ANKRD22: variants seen among roughly 807,000 people sequenced by gnomAD.
ANKRD22 encodes ankyrin repeat domain-containing protein 22.
A neutral mutation model predicts 25.7 loss-of-function variants in ANKRD22; 24 were observed. The ratio of observed to expected loss-of-function variants is 0.93; its 90% confidence interval spans 0.68 to 1.31. The LOEUF is 1.31. Among genes scored for constraint, ANKRD22 ranks in the 50% most tolerant of loss-of-function variants. The pLI is 0.00. For missense variants in ANKRD22, 214 were observed against 227.1 expected, an observed-to-expected ratio of 0.94 and a Z score of 0.37; for synonymous variants, 84 against 84.3, an observed-to-expected ratio of 1.00 and a Z score of 0.02.
chr10:88,848,164 GTATATATGTGTATA>G (rs71022547), intron 1 of ANKRD22, among the ~76,000 whole-genome samples: 44,728 of 139,028 alleles, frequency 0.32, 7,076 homozygotes, highest in African/African-American at 0.35. Context: ...ATATATATAT[GTATATATGTGTATA>G]TATATATGTA....
chr10:88,850,525 T>C (rs1297361839), intron 1 of ANKRD22, among the ~76,000 whole-genome samples: 3 of 152,182 alleles, frequency 2.0e-5, no homozygotes, highest in Admixed American at 1.3e-4. Context: ...AGTATACTTT[T>C]GTATCCTACC....
chr10:88,836,834 TA>T (rs1395285784), intron 1 of ANKRD22, among the ~76,000 whole-genome samples: 1 of 151,932 alleles, frequency 6.6e-6, no homozygotes, highest in Non-Finnish European at 1.5e-5. Context: ...AGAAAAACGT[TA>T]AGACTCAAAG....
chr10:88,820,946 C>A lies in ANKRD22; in HGVS notation c.*1995G>T, dbSNP rs1015852752. Among the ~76,000 whole-genome samples the A allele has an allele frequency of 2.6e-5, 4 of 152,092 alleles. No homozygotes were observed. The highest frequency in any genetic ancestry group is 5.9e-5 in the Non-Finnish European group (4 of 68,022). Reference sequence around the variant, plus strand: ...TTGTTGCCACAGAGACATAACACTACCTCAGGAAGCTGAGCTGCTTTAAGG... The same window carrying A: ...TTGTTGCCACAGAGACATAACACTAACTCAGGAAGCTGAGCTGCTTTAAGG... On this transcript the variant is annotated 3_prime_UTR_variant, in exon 6 of 6. Transcript: ENST00000371930.
intron 2 of ANKRD22, among the ~76,000 whole-genome samples, chr10:88,829,116 G>A (rs1030080054): frequency 6.6e-5 from 10 of 152,174 alleles, no homozygotes; most frequent in African/African-American, 1.9e-4. Context: ...CATGTGCATA[G>A]TCTAGAAGAA....
intron 1 of ANKRD22, among the ~76,000 whole-genome samples, chr10:88,833,527 C>T (rs1181921082): frequency 6.6e-6 from 1 of 152,048 alleles, no homozygotes; most frequent in East Asian, 1.9e-4. Flanking sequence ...CCTGTGGAAA[C>T]TGGGACGTAT....
At chr10:88,851,238 T>C (rs889466366) in intron 1 of ANKRD22, among the ~76,000 whole-genome samples, 3 of 152,140 alleles carry the variant, frequency 2.0e-5, no homozygotes, top group Admixed American at 1.3e-4. Flanking sequence ...GAAAATCCAA[T>C]TGAGTACAAT....
chr10:88,833,981 C>T (rs1843929942), intron 1 of ANKRD22, among the ~76,000 whole-genome samples: 1 of 152,214 alleles, frequency 6.6e-6, no homozygotes. Context: ...ATCTCAGTGT[C>T]CTCAGTCATT....
At chr10:88,846,276 T>C (rs1247601797) in intron 1 of ANKRD22, among the ~76,000 whole-genome samples, 5 of 152,150 alleles carry the variant, frequency 3.3e-5, no homozygotes, top group Admixed American at 2.0e-4. Flanking sequence ...ATTACAAGCA[T>C]TGGCAACAGC....
intron 1 of ANKRD22, among the ~76,000 whole-genome samples, chr10:88,836,455 T>C (rs896049895): frequency 2.0e-5 from 3 of 152,216 alleles, no homozygotes; most frequent in Non-Finnish European, 4.4e-5. Flanking sequence ...AAAGTAGTAT[T>C]AATATACCTG....
intron 1 of ANKRD22, among the ~76,000 whole-genome samples, chr10:88,841,440 C>T (rs1337555492): frequency 1.3e-5 from 2 of 152,146 alleles, no homozygotes; most frequent in Non-Finnish European, 2.9e-5. Flanking sequence ...TGTAACCACT[C>T]CCACCTGGCT....
chr10:88,828,533 C>A, intron 3 of ANKRD22, 26 bp downstream of exon 3: 1 of 1,518,098 alleles, frequency 6.6e-7, no homozygotes, highest in South Asian at 1.1e-5. Context: ...CACATTTGCC[C>A]TTTGCTCTAC....
chr10:88,832,472 AG>A (rs1843914198), intron 1 of ANKRD22, among the ~76,000 whole-genome samples: 3 of 151,964 alleles, frequency 2.0e-5, no homozygotes, highest in Admixed American at 2.0e-4. Context: ...TCTTTACTAA[AG>A]ATAAAATATC....
intron 1 of ANKRD22, among the ~76,000 whole-genome samples, chr10:88,832,330 T>A (rs1843912314): frequency 6.6e-6 from 1 of 152,170 alleles, no homozygotes; most frequent in African/African-American, 2.4e-5. Context: ...GTATAGTGCT[T>A]ACAGGTAGGT....
In ANKRD22 at chr10:88,845,637, T is replaced by C. The variant is rs150010501; in HGVS notation, c.21+5950A>G. 5.3e-5 allele frequency among the ~76,000 whole-genome samples: 8 copies of C among 152,250 alleles called. No homozygotes were observed. In the East Asian group the frequency reaches 1.5e-3, roughly 29 times the overall value. On this transcript the variant is annotated intron_variant, in intron 1 of 5. Transcript: ENST00000371930. Reference sequence around the variant, plus strand: ...TATCAACTTTAATTTCTTACTTTCCTTCACTGCCAACCTACAAACCAGGAA... The same window carrying C: ...TATCAACTTTAATTTCTTACTTTCCCTCACTGCCAACCTACAAACCAGGAA...
At chr10:88,836,583 TC>T (rs1843955989) in intron 1 of ANKRD22, among the ~76,000 whole-genome samples, 1 of 152,198 alleles carries the variant, frequency 6.6e-6, no homozygotes. Flanking sequence ...ACATTCTATC[TC>T]CAATCACTTT....
chr10:88,850,129 A>G (rs1844090218), intron 1 of ANKRD22, among the ~76,000 whole-genome samples: 1 of 151,840 alleles, frequency 6.6e-6, no homozygotes, highest in African/African-American at 2.4e-5. Flanking sequence ...AGCAAATGAT[A>G]TATTACAAAT....
intron 3 of ANKRD22, among the ~76,000 whole-genome samples, chr10:88,827,187 C>A (rs1843863275): frequency 6.7e-6 from 1 of 150,288 alleles, no homozygotes; most frequent in Non-Finnish European, 1.5e-5. Flanking sequence ...TGTGTCACCT[C>A]CTAAACTGCC....
rs1216814305 is a variant in ANKRD22 at position 88,823,331 on chromosome 10, A to C, written c.447T>G (p.Ser149=). 1.4e-5 allele frequency: 23 copies of C among 1,614,004 alleles called. No individual in the cohort carries two copies. Among genetic ancestry groups the C allele is most frequent in the Non-Finnish European group, 1.9e-5 (22 of 1,180,012 alleles). The change falls in exon 5 of 6, where the codon TCT becomes TCG. Residue 149 remains serine (S), a synonymous_variant. Transcript: ENST00000371930. ...GGGCTTCCAAGAGCAGAGGGATAAG[A>C]GACTGGTTTTTCATTTCACAGGCAT... ...LHYACEMKNQ[S]LIPLLLEARA... is the part of the protein sequence containing the mutation.
chr10:88,836,991 T>C (rs145720769), intron 1 of ANKRD22, among the ~76,000 whole-genome samples: 1 of 152,264 alleles, frequency 6.6e-6, no homozygotes, highest in Non-Finnish European at 1.5e-5. Context: ...AATTAGAGGA[T>C]GCAATTGGAG....
Sources: gnomAD v4.1 joint callset for allele counts (sites outside exome capture counted in the v4.1 genomes callset) on GRCh38, gnomAD v4.1.1 for gene constraint, MANE v1.5 for transcripts, NCBI Gene and HGNC (gene_info 2026-07-23, HGNC 2026-07-21) for gene names.